GABRG3: variants seen among roughly 807,000 people sequenced by gnomAD.
The protein encoded by GABRG3 is gamma-aminobutyric acid type A receptor subunit gamma3, also known as gamma-aminobutyric acid receptor subunit gamma-3.
A neutral mutation model predicts 48.8 loss-of-function variants in GABRG3; 25 were observed. That is an observed-to-expected ratio of 0.51 (90% CI 0.37 to 0.72). The LOEUF (loss-of-function observed/expected upper bound fraction) is 0.72, where lower values mean the gene tolerates loss of function less well. GABRG3 is among the 30% of genes least tolerant of loss of function. The pLI is 0.00. For missense variants in GABRG3, 394 were observed against 577.9 expected (o/e 0.68, Z 3.26); for synonymous variants, 227 against 217.6 (o/e 1.04, Z -0.38).
At chr15:27,138,387 G>T (rs540123202) in intron 3 of GABRG3, among the ~76,000 whole-genome samples, 1 of 152,190 alleles carries the variant, frequency 6.6e-6, no homozygotes, top group East Asian at 1.9e-4. Flanking sequence ...TATAGCCCAA[G>T]TGTAATATAA....
chr15:27,499,270 G>A (rs1447817322), intron 6 of GABRG3, among the ~76,000 whole-genome samples: 3 of 152,102 alleles, frequency 2.0e-5, no homozygotes, highest in Admixed American at 2.0e-4. Context: ...AGCACTTATC[G>A]ATCTCAGACA....
chr15:27,127,952 G>C (rs1019681744), intron 3 of GABRG3, among the ~76,000 whole-genome samples: 4 of 152,178 alleles, frequency 2.6e-5, no homozygotes, highest in African/African-American at 7.2e-5. Flanking sequence ...GTGATAAAGC[G>C]TCTCCTCAGT....
chr15:27,393,074 A>G (rs71465227), intron 5 of GABRG3, among the ~76,000 whole-genome samples: 2,078 of 152,258 alleles, frequency 0.014, 13 homozygotes, highest in Non-Finnish European at 0.019. Context: ...GTCTGGGCGC[A>G]GTGGCTCATG....
chr15:27,398,685 C>G (rs1887391418), intron 5 of GABRG3, among the ~76,000 whole-genome samples: 1 of 152,030 alleles, frequency 6.6e-6, no homozygotes, highest in Non-Finnish European at 1.5e-5. Flanking sequence ...CACACACACA[C>G]ACACCCCTCT....
chr15:27,390,764 C>G (rs1300570532), intron 5 of GABRG3, among the ~76,000 whole-genome samples: 1 of 152,094 alleles, frequency 6.6e-6, no homozygotes, highest in Non-Finnish European at 1.5e-5. Context: ...CTCCTCACTT[C>G]TAGGAAGTCT....
At chr15:27,237,912 T>C (rs903946666) in intron 3 of GABRG3, among the ~76,000 whole-genome samples, 2 of 152,188 alleles carry the variant, frequency 1.3e-5, no homozygotes, top group African/African-American at 2.4e-5. Context: ...GTAAATTTAA[T>C]TATATTTACA....
intron 6 of GABRG3, among the ~76,000 whole-genome samples, chr15:27,508,754 C>T (rs1890822442): frequency 6.6e-6 from 1 of 151,970 alleles, no homozygotes; most frequent in Non-Finnish European, 1.5e-5. Flanking sequence ...CGCTCCATCA[C>T]CCAGGCTGGA....
chr15:27,473,331 GA>G (rs944250822), intron 5 of GABRG3, among the ~76,000 whole-genome samples: 1 of 152,122 alleles, frequency 6.6e-6, no homozygotes, highest in African/African-American at 2.4e-5. Context: ...TGAAACTATG[GA>G]AAAGGGGAGA....
At chr15:27,358,468 A>G (rs1301697815) in intron 5 of GABRG3, among the ~76,000 whole-genome samples, 1 of 152,142 alleles carries the variant, frequency 6.6e-6, no homozygotes, top group Non-Finnish European at 1.5e-5. Context: ...CGGGGAGGGA[A>G]GTGCAGAGAG....
At chr15:27,029,675 G>A (rs1184353988) in intron 3 of GABRG3, among the ~76,000 whole-genome samples, 1 of 152,162 alleles carries the variant, frequency 6.6e-6, no homozygotes, top group Non-Finnish European at 1.5e-5. Context: ...CTGGGTGAAG[G>A]TGAGACACGA....
chr15:27,152,947 G>A (rs536858118), intron 3 of GABRG3, among the ~76,000 whole-genome samples: 15 of 149,270 alleles, frequency 1.0e-4, no homozygotes, highest in South Asian at 8.5e-4. Flanking sequence ...TGCAAGCTCC[G>A]CCTCCCGGGT....
chr15:27,235,863 T>C (rs1033860765), intron 3 of GABRG3, among the ~76,000 whole-genome samples: 1 of 152,030 alleles, frequency 6.6e-6, no homozygotes, highest in Non-Finnish European at 1.5e-5. Context: ...GATGCAGAGG[T>C]TTGCTCTGCA....
intron 3 of GABRG3, among the ~76,000 whole-genome samples, chr15:27,272,498 G>A (rs1481621073): frequency 6.6e-6 from 1 of 152,204 alleles, no homozygotes; most frequent in African/African-American, 2.4e-5. Context: ...AAAGACCTCT[G>A]CAAAGAGGTG....
At chr15:27,005,020 G>A (rs1341929378) in intron 2 of GABRG3, among the ~76,000 whole-genome samples, 4 of 152,180 alleles carry the variant, frequency 2.6e-5, no homozygotes, top group South Asian at 4.2e-4. Context: ...GGGCCCCTCC[G>A]GGTGGTCATG....
chr15:27,103,998 A>C (rs1219532415), intron 3 of GABRG3, among the ~76,000 whole-genome samples: 3 of 152,242 alleles, frequency 2.0e-5, no homozygotes, highest in Non-Finnish European at 4.4e-5. Flanking sequence ...AATGAACAAA[A>C]GGCTGGCTCA....
At chr15:27,216,051 A>G (rs1425227391) in intron 3 of GABRG3, among the ~76,000 whole-genome samples, 1 of 152,212 alleles carries the variant, frequency 6.6e-6, no homozygotes, top group African/African-American at 2.4e-5. Flanking sequence ...GCTATCAAGG[A>G]GACTCTGCAA....
intron 3 of GABRG3, among the ~76,000 whole-genome samples, chr15:27,056,232 T>G (rs1156560323): frequency 4.0e-5 from 6 of 151,052 alleles, no homozygotes; most frequent in Non-Finnish European, 8.8e-5. Flanking sequence ...ACACCTGTAG[T>G]CCCAGCTACT....
chr15:27,419,652 C>T (rs1365838911), intron 5 of GABRG3, among the ~76,000 whole-genome samples: 1 of 152,154 alleles, frequency 6.6e-6, no homozygotes, highest in Non-Finnish European at 1.5e-5. Context: ...CAGCTTTGTC[C>T]ACTTAAACAT....
intron 5 of GABRG3, among the ~76,000 whole-genome samples, chr15:27,455,274 AC>A (rs1889228656): frequency 1.3e-5 from 2 of 152,274 alleles, no homozygotes; most frequent in South Asian, 4.1e-4. Flanking sequence ...CTGCTGCAAA[AC>A]CTTACACCTT....
Sources: allele counts gnomAD v4.1 joint callset (sites outside exome capture counted in the v4.1 genomes callset), GRCh38; gene constraint gnomAD v4.1.1; transcripts MANE v1.5; gene names NCBI Gene and HGNC (gene_info 2026-07-23, HGNC 2026-07-21).